The following SLCO3A1 variants were observed in gnomAD, a reference collection of about 807,000 sequenced individuals.
SLCO3A1 encodes the protein solute carrier organic anion transporter family member 3A1.
In SLCO3A1, 27 loss-of-function variants were observed where a neutral mutation model predicts 63.1. The ratio of observed to expected loss-of-function variants is 0.43; its 90% CI spans 0.32 to 0.59. The LOEUF (loss-of-function observed/expected upper bound fraction) is 0.59, where lower values mean the gene tolerates loss of function less well. Ranked by LOEUF, SLCO3A1 falls within the 20% of genes least tolerant of loss-of-function variation. SLCO3A1 has a pLI of 0.09. For synonymous variants in SLCO3A1, 473 were observed against 409.9 expected (o/e 1.15, Z -1.86); for missense variants, 773 against 945.8 (o/e 0.82, Z 2.40).
At chr15:92,069,607 G>A (rs749461015) in intron 2 of SLCO3A1, among the ~76,000 whole-genome samples, 23 of 152,284 alleles carry the variant, frequency 1.5e-4, no homozygotes, top group African/African-American at 3.4e-4. Context: ...ATCCCTGCCC[G>A]TCTACAGGTT....
At chr15:92,034,016 T>C (rs2046690726) in intron 2 of SLCO3A1, among the ~76,000 whole-genome samples, 1 of 146,798 alleles carries the variant, frequency 6.8e-6, no homozygotes, top group Non-Finnish European at 1.6e-5. Flanking sequence ...CTGGTGACCA[T>C]TGGGCTGATC....
intron 2 of SLCO3A1, among the ~76,000 whole-genome samples, chr15:91,987,758 GATA>G (rs950447373): frequency 4.8e-5 from 6 of 125,632 alleles, no homozygotes; most frequent in Non-Finnish European, 8.9e-5. Flanking sequence ...AAAAAAAAAA[GATA>G]ATAATAATTA....
chr15:91,988,414 A>G (rs960928824), intron 2 of SLCO3A1, among the ~76,000 whole-genome samples: 7 of 152,200 alleles, frequency 4.6e-5, no homozygotes, highest in African/African-American at 1.4e-4. Context: ...ATAAATTAAC[A>G]TTTAAAAATA....
chr15:91,952,738 A>C (rs1318343867), intron 2 of SLCO3A1, among the ~76,000 whole-genome samples: 1 of 152,208 alleles, frequency 6.6e-6, no homozygotes, highest in East Asian at 1.9e-4. Flanking sequence ...AACATGGTGT[A>C]ATTACTGTGC....
At chr15:91,988,793 C>T (rs1335460162) in intron 2 of SLCO3A1, among the ~76,000 whole-genome samples, 1 of 152,194 alleles carries the variant, frequency 6.6e-6, no homozygotes, top group Non-Finnish European at 1.5e-5. Context: ...TTGCATCACT[C>T]ATATATGCAC....
At chr15:92,069,762 A>G (rs910381486) in intron 2 of SLCO3A1, among the ~76,000 whole-genome samples, 1 of 152,150 alleles carries the variant, frequency 6.6e-6, no homozygotes, top group Non-Finnish European at 1.5e-5. Flanking sequence ...TCTGCTGGGG[A>G]AAATGATGAA....
At chr15:91,955,725 A>G (rs954029962) in intron 2 of SLCO3A1, among the ~76,000 whole-genome samples, 2 of 152,234 alleles carry the variant, frequency 1.3e-5, no homozygotes, top group Admixed American at 1.3e-4. Context: ...TGACACATGA[A>G]ATCATCTTTG....
chr15:91,918,161 A>T (rs1898723942), intron 2 of SLCO3A1, among the ~76,000 whole-genome samples: 1 of 152,258 alleles, frequency 6.6e-6, no homozygotes, highest in South Asian at 2.1e-4. Context: ...TGAATGTGCC[A>T]AAAGCTTTAT....
chr15:91,887,254 ACCCCTTC>A (rs1036309094), intron 1 of SLCO3A1, among the ~76,000 whole-genome samples: 1 of 151,638 alleles, frequency 6.6e-6, no homozygotes, highest in African/African-American at 2.4e-5. Flanking sequence ...CATCCCTTTT[ACCCCTTC>A]CCCCTTCCTC....
At chr15:92,111,097 C>G (rs1183233911) in intron 4 of SLCO3A1, among the ~76,000 whole-genome samples, 2 of 152,130 alleles carry the variant, frequency 1.3e-5, no homozygotes, top group Non-Finnish European at 2.9e-5. Flanking sequence ...CACATTCACC[C>G]CCGCCCCACC....
chr15:92,163,406 G>T lies in SLCO3A1; in HGVS notation c.*271G>T, dbSNP rs1269703501. ...GAGTCTACTTTGAAGGCACCTCATGGTTTTCAGGATGCTGACAGCTGCAAG... is the reference window on the plus strand; with the variant it reads ...GAGTCTACTTTGAAGGCACCTCATGTTTTTCAGGATGCTGACAGCTGCAAG... On this transcript the variant is annotated 3_prime_UTR_variant, in exon 10 of 10. Coordinates refer to ENST00000318445, the MANE Select transcript of SLCO3A1 (RefSeq NM_013272.4). 9.1e-7 allele frequency: 1 copy of T among 1,099,802 alleles called. No individual in the cohort carries two copies. Among genetic ancestry groups the T allele is most frequent in the African/African-American group, 1.6e-5 (1 of 61,382 alleles). 68.1% of individuals were successfully genotyped at this position (1,099,802 alleles called of 1,614,324 possible). A position where few individuals can be genotyped will look rare whatever the true frequency, so the allele number is the denominator to read the frequency against.
chr15:91,988,546 G>A (rs2046084625), intron 2 of SLCO3A1, among the ~76,000 whole-genome samples: 1 of 152,022 alleles, frequency 6.6e-6, no homozygotes, highest in African/African-American at 2.4e-5. Context: ...AAGGAAACGT[G>A]CAGATCAATT....
intron 2 of SLCO3A1, among the ~76,000 whole-genome samples, chr15:92,021,855 G>A (rs983623937): frequency 5.3e-5 from 8 of 152,036 alleles, no homozygotes; most frequent in Non-Finnish European, 8.8e-5. Context: ...GAGGCTGTGG[G>A]AGGCAGAGGA....
Position 91,973,616 on chromosome 15 carries a change from T to G in SLCO3A1, c.646+57158T>G, listed in dbSNP as rs1900970615. Among the ~76,000 whole-genome samples, 4 of 152,304 alleles carry G rather than the reference T, an allele frequency of 2.6e-5. No individual in the cohort carries two copies. The South Asian group carries it at 8.3e-4, about 32-fold the overall frequency. On this transcript the variant is annotated intron_variant, in intron 2 of 9. Coordinates refer to ENST00000318445, the MANE Select transcript of SLCO3A1 (RefSeq NM_013272.4). ...CAGAGCTTCTCAACCTGGGTGCTTT[T>G]GCACCTCATGACGTTTGGCAGTGTC... is the stretch of plus-strand genomic sequence containing the variant.
chr15:92,023,577 T>C (rs1251977737), intron 2 of SLCO3A1, among the ~76,000 whole-genome samples: 4 of 152,098 alleles, frequency 2.6e-5, no homozygotes, highest in Non-Finnish European at 4.4e-5. Context: ...CAGGCGATTA[T>C]CCTGCCTCAG....
chr15:91,867,075 G>A (rs185923771), intron 1 of SLCO3A1, among the ~76,000 whole-genome samples: 2 of 152,340 alleles, frequency 1.3e-5, no homozygotes, highest in East Asian at 1.9e-4. Flanking sequence ...GGCCACAGCC[G>A]GGCTGGGGCA....
At position 92,165,152 on chromosome 15, in the gene SLCO3A1, A is replaced by C; in HGVS notation, c.*2017A>C. On this transcript the variant is annotated 3_prime_UTR_variant, in exon 10 of 10. Transcript: ENST00000318445. ...GAGAAGGCACTCAGCAAGACCAACCAAAAGAAAAGCTGTGTCGTGGTATGG... is the reference window on the plus strand; with the variant it reads ...GAGAAGGCACTCAGCAAGACCAACCCAAAGAAAAGCTGTGTCGTGGTATGG... The C allele has an allele frequency of 1.0e-6, 1 of 985,460 alleles. No homozygotes were observed. The highest frequency in any genetic ancestry group is 1.2e-6 in the Non-Finnish European group (1 of 829,942). 61.0% of individuals were successfully genotyped at this position (985,460 alleles called of 1,614,324 possible).
At position 91,865,493 on chromosome 15, in the gene SLCO3A1, T is replaced by C. The variant is rs1897142925; in HGVS notation, c.180+11405T>C. ...AACTGGGTGGCTTGAAACAAATTTT[T>C]TGTCTGACAGTCCTGCAGGCCAGAA... On this transcript the variant is annotated intron_variant, in intron 1 of 9. Coordinates refer to ENST00000318445, the MANE Select transcript of SLCO3A1 (RefSeq NM_013272.4). This position sits in a 1 kb window ranked among gnomAD's most constrained non-coding sequence, Gnocchi z 4.6. Among the ~76,000 whole-genome samples the C allele has an allele frequency of 6.6e-6, 1 of 152,188 alleles. No individual in the cohort carries two copies. Among genetic ancestry groups the C allele is most frequent in the African/African-American group, 2.4e-5 (1 of 41,434 alleles).
chr15:92,153,399 A>T (rs2048332247), intron 9 of SLCO3A1: 1 of 152,186 alleles, frequency 6.6e-6, no homozygotes, highest in Non-Finnish European at 1.5e-5. Flanking sequence ...AGAGGCTGGA[A>T]AACCCTGCTC....
Sources: allele counts gnomAD v4.1 joint callset (sites outside exome capture counted in the v4.1 genomes callset), GRCh38; gene constraint gnomAD v4.1.1; non-coding constraint Gnocchi (gnomAD v3.1); transcripts MANE v1.5; gene names NCBI Gene and HGNC (gene_info 2026-07-23, HGNC 2026-07-21).